ME1: variants seen among roughly 807,000 people sequenced by gnomAD.
ME1 encodes the protein malic enzyme 1.
ME1 carries 74 observed loss-of-function variants against 66.4 expected under a neutral mutation model. That is an observed-to-expected ratio of 1.11 (90% CI 0.92 to 1.35). The LOEUF (loss-of-function observed/expected upper bound fraction) is 1.35. ME1 is among the 40% of genes most tolerant of loss of function. ME1 has a pLI of 0.00. For synonymous variants in ME1, 251 were observed against 235.6 expected (o/e 1.07, Z -0.60); for missense variants, 750 against 694.1 (o/e 1.08, Z -0.90).
intron 6 of ME1, among the ~76,000 whole-genome samples, chr6:83,263,150 T>A (rs1057412164): frequency 6.6e-6 from 1 of 152,296 alleles, no homozygotes; most frequent in South Asian, 2.1e-4. Context: ...TATGTTACCA[T>A]TATAATTGCA....
chr6:83,374,069 C>T (rs546990375), intron 3 of ME1, among the ~76,000 whole-genome samples: 1 of 152,224 alleles, frequency 6.6e-6, no homozygotes, highest in East Asian at 1.9e-4. Context: ...CATATGTGTG[C>T]ATGTATCTTT....
chr6:83,366,288 G>A (rs990330495), intron 3 of ME1, among the ~76,000 whole-genome samples: 6 of 152,186 alleles, frequency 3.9e-5, no homozygotes, highest in Admixed American at 3.9e-4. Context: ...GGCAGTTCAA[G>A]TGTTAGCTCC....
intron 4 of ME1, among the ~76,000 whole-genome samples, chr6:83,348,686 TA>T (rs538722681): frequency 0.036 from 4,995 of 140,260 alleles, 180 homozygotes; most frequent in East Asian, 0.16. Context: ...TCTTGAACAT[TA>T]AAAAAAAAAA....
chr6:83,221,187 T>A (rs1236531597), intron 12 of ME1, among the ~76,000 whole-genome samples: 1 of 151,410 alleles, frequency 6.6e-6, no homozygotes, highest in Non-Finnish European at 1.5e-5. Context: ...ACAATTTAGT[T>A]ATAAAGGCAA....
At chr6:83,371,328 G>A (rs1000662770) in intron 3 of ME1, among the ~76,000 whole-genome samples, 2 of 152,098 alleles carry the variant, frequency 1.3e-5, no homozygotes, top group Middle Eastern at 3.2e-3. Flanking sequence ...TACATTGGAA[G>A]TCTACATTCT....
In ME1 at chr6:83,211,275, A is replaced by C. The variant is rs1789865345; in HGVS notation, c.*649T>G. On this transcript the variant is annotated 3_prime_UTR_variant, in exon 14 of 14. Transcript: ENST00000369705. ...TGATTTCAGGTGGGATTTCTGACTC[A>C]GGATCAAGGTAATAAGAGCTTTACT... is the stretch of plus-strand genomic sequence containing the variant. The C allele has an allele frequency of 6.6e-6, 1 of 152,660 alleles. No individual in the cohort carries two copies. Among genetic ancestry groups the C allele is most frequent in the Non-Finnish European group, 1.5e-5 (1 of 68,050 alleles). The allele number at this position is 152,660 out of a possible 1,614,324, so 9.5% of individuals were successfully genotyped here.
intron 7 of ME1, among the ~76,000 whole-genome samples, chr6:83,245,782 C>T (rs1369426846): frequency 6.6e-6 from 1 of 152,158 alleles, no homozygotes; most frequent in Non-Finnish European, 1.5e-5. Context: ...AATATTCTTA[C>T]ATTCTAATTC....
At chr6:83,307,235 AAGT>A (rs1164345822) in intron 6 of ME1, among the ~76,000 whole-genome samples, 4 of 152,092 alleles carry the variant, frequency 2.6e-5, no homozygotes, top group African/African-American at 7.2e-5. Context: ...TGAAAAAAAA[AAGT>A]AGAGAGAATG....
intron 3 of ME1, chr6:83,392,377 C>G (rs995644445): frequency 1.1e-4 from 55 of 508,748 alleles, no homozygotes; most frequent in Non-Finnish European, 1.9e-4. Flanking sequence ...ACAACAGCTG[C>G]ATCTTCTCGT....
At chr6:83,297,312 A>G (rs1474053767) in intron 6 of ME1, among the ~76,000 whole-genome samples, 1 of 152,208 alleles carries the variant, frequency 6.6e-6, no homozygotes, top group African/African-American at 2.4e-5. Flanking sequence ...ATCAGAGACA[A>G]CACAAACAAA....
chr6:83,405,973 G>A (rs1014144820), intron 2 of ME1, among the ~76,000 whole-genome samples: 12 of 152,040 alleles, frequency 7.9e-5, no homozygotes, highest in African/African-American at 1.4e-4. Context: ...CGCCCACCTC[G>A]GCCTCCCAAA....
chr6:83,304,349 TA>T (rs1767787395), intron 6 of ME1, among the ~76,000 whole-genome samples: 1 of 152,138 alleles, frequency 6.6e-6, no homozygotes, highest in East Asian at 1.9e-4. Flanking sequence ...CATGGTAAAT[TA>T]ACTGAATTAA....
intron 6 of ME1, among the ~76,000 whole-genome samples, chr6:83,298,325 T>C (rs528065589): frequency 6.6e-6 from 1 of 152,162 alleles, no homozygotes; most frequent in African/African-American, 2.4e-5. Context: ...GATGTTGAGC[T>C]TTTTTTCATA....
At chr6:83,254,938 T>C (rs1401720293) in intron 6 of ME1, among the ~76,000 whole-genome samples, 1 of 152,184 alleles carries the variant, frequency 6.6e-6, no homozygotes, top group Non-Finnish European at 1.5e-5. Context: ...ATTTCTCACT[T>C]CTTGTCAACA....
In ME1 at chr6:83,210,523, A is replaced by G. The variant is rs192420328; in HGVS notation, c.*1401T>C. The G allele has an allele frequency of 1.3e-5, 2 of 152,650 alleles. No individual in the cohort carries two copies. Among genetic ancestry groups the G allele is most frequent in the Non-Finnish European group, 2.9e-5 (2 of 68,040 alleles). The allele number at this position is 152,650 out of a possible 1,614,324, so 9.5% of individuals were successfully genotyped here. On this transcript the variant is annotated 3_prime_UTR_variant, in exon 14 of 14. Transcript: ENST00000369705. ...AGAAACAGACAAGAAATACACAGACATTCTGATTCTTCTCCAAATAACTAT... is the reference window on the plus strand; with the variant it reads ...AGAAACAGACAAGAAATACACAGACGTTCTGATTCTTCTCCAAATAACTAT...
At chr6:83,212,550 C>T (rs1789912082) in intron 13 of ME1, among the ~76,000 whole-genome samples, 1 of 152,192 alleles carries the variant, frequency 6.6e-6, no homozygotes, top group Non-Finnish European at 1.5e-5. Context: ...ATCTAGACAC[C>T]ACAGTCAGGA....
intron 1 of ME1, among the ~76,000 whole-genome samples, chr6:83,420,110 G>A (rs532048761): frequency 2.0e-5 from 3 of 151,882 alleles, no homozygotes; most frequent in Non-Finnish European, 2.9e-5. Context: ...CACTGTCACC[G>A]AGGCTGGAGT....
chr6:83,307,620 A>G (rs1252941468), intron 6 of ME1, among the ~76,000 whole-genome samples: 1 of 152,120 alleles, frequency 6.6e-6, no homozygotes, highest in Admixed American at 6.6e-5. Context: ...TATCCCCGTC[A>G]TCTAAAAAAT....
intron 5 of ME1, among the ~76,000 whole-genome samples, chr6:83,322,508 T>C (rs745906750): frequency 6.6e-6 from 1 of 152,066 alleles, no homozygotes; most frequent in African/African-American, 2.4e-5. Flanking sequence ...TCATGAAGCA[T>C]ACACAAGTAT....
Sources: gnomAD v4.1 joint callset for allele counts (sites outside exome capture counted in the v4.1 genomes callset) on GRCh38, gnomAD v4.1.1 for gene constraint, MANE v1.5 for transcripts, NCBI Gene and HGNC (gene_info 2026-07-23, HGNC 2026-07-21) for gene names.